The following CAST variants were observed in gnomAD, a reference collection of about 807,000 sequenced individuals.
CAST encodes MIR583 host.
A neutral mutation model predicts 119.6 loss-of-function variants in CAST; 76 were observed. The ratio of observed to expected loss-of-function variants is 0.64; its 90% CI spans 0.53 to 0.77. CAST has a LOEUF of 0.77. CAST is among the 30% of genes least tolerant of loss of function. The pLI is 0.00. For synonymous variants in CAST, 319 were observed against 331.6 expected, an observed-to-expected ratio of 0.96 and a Z score of 0.41; for missense variants, 953 against 946.5, an observed-to-expected ratio of 1.01 and a Z score of -0.09.
intron 1 of CAST, among the ~76,000 whole-genome samples, chr5:96,588,956 A>G (rs1462781348): frequency 6.6e-6 from 1 of 152,182 alleles, no homozygotes; most frequent in Admixed American, 6.5e-5. Flanking sequence ...TATTCAATTG[A>G]CTATTAATGT....
chr5:96,484,669 C>G, the CAST span, among the ~76,000 whole-genome samples: 8 of 152,120 alleles, frequency 5.3e-5, no homozygotes, highest in Non-Finnish European at 1.5e-5. Flanking sequence ...GAGAAATTTT[C>G]TCTCTCACTA....
chr5:96,763,903 A>G (rs1030900239), intron 25 of CAST, among the ~76,000 whole-genome samples: 1 of 151,992 alleles, frequency 6.6e-6, no homozygotes, highest in African/African-American at 2.4e-5. Context: ...CCTGGGTTCT[A>G]TTCACTTTTT....
chr5:96,135,007 C>T, the CAST span, among the ~76,000 whole-genome samples: 8 of 151,994 alleles, frequency 5.3e-5, no homozygotes, highest in Non-Finnish European at 1.2e-4. Context: ...CAGGAAATAG[C>T]GAGAACACAA....
the CAST span, among the ~76,000 whole-genome samples, chr5:96,481,756 C>A: frequency 6.6e-6 from 1 of 152,162 alleles, no homozygotes; most frequent in Non-Finnish European, 1.5e-5. Context: ...AGACATATAT[C>A]TTCTTGTAGT....
the CAST span, among the ~76,000 whole-genome samples, chr5:96,347,638 C>A: frequency 6.6e-6 from 1 of 152,146 alleles, no homozygotes; most frequent in African/African-American, 2.4e-5. Context: ...AGAACTCTGG[C>A]AAGACTACTC....
the CAST span, among the ~76,000 whole-genome samples, chr5:96,480,417 T>C: frequency 2.0e-5 from 3 of 152,210 alleles, no homozygotes; most frequent in African/African-American, 7.2e-5. Context: ...TGTACTCGAT[T>C]CTAGACAGAT....
At chr5:95,984,183 T>C in the CAST span, among the ~76,000 whole-genome samples, 1 of 152,198 alleles carries the variant, frequency 6.6e-6, no homozygotes, top group Non-Finnish European at 1.5e-5. Flanking sequence ...AACAGAGTAG[T>C]GTTTAAAAAT....
the CAST span, among the ~76,000 whole-genome samples, chr5:96,326,695 A>ATTTTTTTTTTT: frequency 1.7e-4 from 16 of 95,734 alleles, no homozygotes; most frequent in Non-Finnish European, 2.2e-4. Context: ...ATGGCTTTTC[A>ATTTTTTTTTTT]TTTTTTTTTT....
intron 1 of CAST, among the ~76,000 whole-genome samples, chr5:96,561,660 A>G (rs1337720718): frequency 6.6e-6 from 1 of 152,062 alleles, no homozygotes; most frequent in Admixed American, 6.5e-5. Context: ...GTGTATACAT[A>G]TGTAACAAAA....
the CAST span, among the ~76,000 whole-genome samples, chr5:96,025,173 G>C: frequency 2.0e-5 from 3 of 152,072 alleles, no homozygotes; most frequent in Non-Finnish European, 4.4e-5. Context: ...CGTAGGCTAG[G>C]GGGGTTTAAA....
At chr5:96,237,659 G>C in the CAST span, among the ~76,000 whole-genome samples, 1 of 151,622 alleles carries the variant, frequency 6.6e-6, no homozygotes, top group Admixed American at 6.6e-5. Context: ...TTTGATTTTG[G>C]AAATTTGTAT....
chr5:96,218,521 C>T, the CAST span, among the ~76,000 whole-genome samples: 1 of 152,212 alleles, frequency 6.6e-6, no homozygotes, highest in South Asian at 2.1e-4. Flanking sequence ...ACCTTCCCTA[C>T]ACATTTAAGT....
the CAST span, among the ~76,000 whole-genome samples, chr5:96,099,760 C>T: frequency 6.6e-6 from 1 of 152,282 alleles, no homozygotes; most frequent in East Asian, 1.9e-4. Flanking sequence ...CATTGATGTT[C>T]ATCAAGGATA....
At chr5:96,399,173 T>C in the CAST span, 1,622 of 673,848 alleles carry the variant, frequency 2.4e-3, 22 homozygotes, top group African/African-American at 0.026. Context: ...AGAACCTAAT[T>C]CAGAATTATG....
intron 8 of CAST, among the ~76,000 whole-genome samples, chr5:96,730,464 C>A (rs958104400): frequency 6.6e-6 from 1 of 152,186 alleles, no homozygotes; most frequent in Non-Finnish European, 1.5e-5. Context: ...AAAAATCAGA[C>A]TATCTAGTAA....
intron 1 of CAST, among the ~76,000 whole-genome samples, chr5:96,597,586 T>C (rs984424188): frequency 2.0e-5 from 3 of 152,168 alleles, no homozygotes; most frequent in Admixed American, 6.5e-5. Flanking sequence ...CCTTCCAACA[T>C]CACACTCCTC....
the CAST span, among the ~76,000 whole-genome samples, chr5:96,251,435 G>T: frequency 6.6e-6 from 1 of 152,134 alleles, no homozygotes; most frequent in African/African-American, 2.4e-5. Context: ...CCACTTTGCT[G>T]TTAACTTTTC....
chr5:96,051,868 A>ACAAC, the CAST span, among the ~76,000 whole-genome samples: 1 of 152,240 alleles, frequency 6.6e-6, no homozygotes, highest in Non-Finnish European at 1.5e-5. Flanking sequence ...GATACATACA[A>ACAAC]CAACCAGATT....
At chr5:96,159,588 G>T in the CAST span, among the ~76,000 whole-genome samples, 1 of 152,038 alleles carries the variant, frequency 6.6e-6, no homozygotes, top group African/African-American at 2.4e-5. Flanking sequence ...GGCAGATTAA[G>T]TTTATATAAT....
Sources: gnomAD v4.1 joint callset for allele counts (sites outside exome capture counted in the v4.1 genomes callset) on GRCh38, gnomAD v4.1.1 for gene constraint, MANE v1.5 for transcripts, NCBI Gene and HGNC (gene_info 2026-07-23, HGNC 2026-07-21) for gene names.